PRH1: variants seen among roughly 807,000 people sequenced by gnomAD.
PRH1 encodes salivary acidic proline-rich phosphoprotein 1/2.
A neutral mutation model predicts 7.9 loss-of-function variants in PRH1; 7 were observed. The ratio of observed to expected loss-of-function variants is 0.89; its 90% CI spans 0.50 to 1.67. PRH1 has a LOEUF of 1.67. Ranked by LOEUF, PRH1 falls within the 40% of genes most tolerant of loss-of-function variation. The pLI, the probability that PRH1 is intolerant of heterozygous loss-of-function variation, is 0.00. For synonymous variants in PRH1, 45 were observed against 80.8 expected, an observed-to-expected ratio of 0.56 and a Z score of 2.38; for missense variants, 109 against 223.6, an observed-to-expected ratio of 0.49 and a Z score of 3.27.
At chr12:11,052,900 T>C (rs1218069166) in intron 1 of PRH1, among the ~76,000 whole-genome samples, 1 of 151,394 alleles carries the variant, frequency 6.6e-6, no homozygotes, top group Non-Finnish European at 1.5e-5. Context: ...TCTGTTCTTT[T>C]TAAAAATGTT....
At chr12:11,022,402 C>A (rs192199862) in intron 1 of PRH1, 2 of 1,614,082 alleles carry the variant, frequency 1.2e-6, no homozygotes, top group East Asian at 4.5e-5. Flanking sequence ...CCAGAGTAAA[C>A]CAATTCTGGA....
intron 1 of PRH1, among the ~76,000 whole-genome samples, chr12:11,036,819 A>T (rs982400093): frequency 7.2e-5 from 11 of 152,230 alleles, no homozygotes; most frequent in Non-Finnish European, 1.5e-4. Context: ...ACTTCATGAT[A>T]TAGATGAAGA....
At chr12:11,062,248 G>A (rs201410559) in intron 1 of PRH1, 11 of 1,613,034 alleles carry the variant, frequency 6.8e-6, no homozygotes, top group East Asian at 2.2e-5. Flanking sequence ...AATCACAAAT[G>A]TAACCACTAT....
chr12:10,972,937 C>CCCG lies in PRH1; in HGVS notation c.-59+717_-59+718insCGG, dbSNP rs1432689455. Among the ~76,000 whole-genome samples, 2 of 126,384 alleles carry CCCG rather than the reference C, an allele frequency of 1.6e-5. 1 individual carries two copies. The highest frequency in any genetic ancestry group is 3.4e-5 in the Non-Finnish European group (2 of 58,366). The allele number at this position is 126,384 out of a possible 152,430, so 82.9% of individuals were successfully genotyped here. ...CGTACAAAGCACCACAACCCACCCC[C>CCCG]CCCGCCCGCCCACACACACACCACA... On this transcript the variant is annotated intron_variant, in intron 2 of 3. Coordinates refer to the PRH1 transcript ENST00000539853.
At chr12:10,913,580 T>C (rs1949932056) in intron 2 of PRH1, among the ~76,000 whole-genome samples, 2 of 152,250 alleles carry the variant, frequency 1.3e-5, no homozygotes, top group South Asian at 4.1e-4. Flanking sequence ...TTTAGATATA[T>C]ATCTTGTACA....
intron 1 of PRH1, among the ~76,000 whole-genome samples, chr12:11,146,961 T>C (rs1185275616): frequency 1.3e-5 from 2 of 152,324 alleles, no homozygotes; most frequent in East Asian, 3.9e-4. Context: ...TCAATTTTCA[T>C]AATTACACTA....
downstream of PRH1, among the ~76,000 whole-genome samples, chr12:11,116,117 C>G (rs113050974): frequency 2.0e-5 from 3 of 151,930 alleles, no homozygotes; most frequent in Non-Finnish European, 4.4e-5. Context: ...AACCTGTTTT[C>G]TTGAAAAGTT....
chr12:11,056,771 T>A (rs902879525), intron 1 of PRH1, among the ~76,000 whole-genome samples: 3 of 151,998 alleles, frequency 2.0e-5, no homozygotes, highest in African/African-American at 7.3e-5. Flanking sequence ...TTAGTCGAGA[T>A]CACACCACTG....
intron 1 of PRH1, among the ~76,000 whole-genome samples, chr12:11,143,749 ATAAAGGGGTCAACTCAT>A (rs1946779749): frequency 2.1e-5 from 1 of 47,106 alleles, no homozygotes; most frequent in Non-Finnish European, 6.4e-5. Flanking sequence ...AGGTCAACAT[ATAAAGGGGTCAACTCAT>A]CGAAAGGATA....
At chr12:11,075,774 A>G (rs1470504143) in intron 1 of PRH1, among the ~76,000 whole-genome samples, 2 of 144,294 alleles carry the variant, frequency 1.4e-5, no homozygotes, top group Admixed American at 1.4e-4. Flanking sequence ...TTCTTTGATA[A>G]GCCTATAACC....
intron 1 of PRH1, among the ~76,000 whole-genome samples, chr12:11,169,750 AT>A (rs1391964015): frequency 6.6e-6 from 1 of 152,128 alleles, no homozygotes; most frequent in Non-Finnish European, 1.5e-5. Flanking sequence ...AGAATTGATC[AT>A]TTATTTTACA....
intron 1 of PRH1, among the ~76,000 whole-genome samples, chr12:11,055,289 C>G (rs890667627): frequency 3.3e-5 from 5 of 151,808 alleles, no homozygotes; most frequent in African/African-American, 4.8e-5. Context: ...AATGAAGGTG[C>G]CTATGGGAAA....
Position 11,134,001 on chromosome 12 carries a change from T to C in PRH1, n.40-12821A>G, listed in dbSNP as rs760698312. On this transcript the variant is annotated intron_variant and non_coding_transcript_variant, in intron 1 of 1. Transcript: ENST00000541175. ...ACTGCCCAGACATTATAAGCAGTAA[T>C]TCTTACTTCTACACTATAAAAAGCT... The C allele has an allele frequency of 4.3e-6, 7 of 1,614,120 alleles. No individual in the cohort carries two copies. The South Asian group carries it at 7.7e-5, about 18-fold the overall frequency.
At chr12:11,048,885 C>A (rs530752163), upstream of PRH1, 91 of 278,136 alleles carry the variant, frequency 3.3e-4, no homozygotes, top group African/African-American at 1.8e-3. Flanking sequence ...CATTCTTAAT[C>A]CTTTTCTTTA....
chr12:10,947,239 C>T (rs1027013398), intron 2 of PRH1, among the ~76,000 whole-genome samples: 10 of 152,042 alleles, frequency 6.6e-5, no homozygotes, highest in Non-Finnish European at 1.3e-4. Context: ...ATGTCACTCA[C>T]TATTATTGGG....
At chr12:11,019,339 A>T (rs190665855) in intron 1 of PRH1, among the ~76,000 whole-genome samples, 1 of 152,350 alleles carries the variant, frequency 6.6e-6, no homozygotes, top group African/African-American at 2.4e-5. Flanking sequence ...ATCACGACAC[A>T]TGGTTTTACA....
At chr12:10,900,774 AG>A (rs1949711821) in intron 2 of PRH1, among the ~76,000 whole-genome samples, 1 of 152,194 alleles carries the variant, frequency 6.6e-6, no homozygotes. Flanking sequence ...CACCTGGTTC[AG>A]CAGCTTCATC....
upstream of PRH1, among the ~76,000 whole-genome samples, chr12:11,047,916 T>C (rs1027414200): frequency 1.3e-5 from 2 of 152,266 alleles, no homozygotes; most frequent in African/African-American, 2.4e-5. Context: ...CAAACAATGA[T>C]AGTTAAGTAC....
intron 1 of PRH1, among the ~76,000 whole-genome samples, chr12:11,003,496 C>G (rs576325730): frequency 6.6e-6 from 1 of 151,968 alleles, no homozygotes; most frequent in South Asian, 2.1e-4. Flanking sequence ...TCCCAAGTAT[C>G]CCAGTTATGA....
Sources: gnomAD v4.1 joint callset for allele counts (sites outside exome capture counted in the v4.1 genomes callset) on GRCh38, gnomAD v4.1.1 for gene constraint, MANE v1.5 for transcripts, NCBI Gene and HGNC (gene_info 2026-07-23, HGNC 2026-07-21) for gene names.